Variants in CCNY observed in about 807,000 individuals in gnomAD.
The protein encoded by CCNY is cyclin Y, also known as cyclin-Y.
Under a neutral mutation model 42.8 loss-of-function variants are expected in CCNY, and 19 were observed. The ratio of observed to expected loss-of-function variants is 0.44; its 90% CI spans 0.31 to 0.65. The LOEUF (loss-of-function observed/expected upper bound fraction) is 0.65, where lower values mean the gene tolerates loss of function less well. CCNY is among the 30% of genes least tolerant of loss of function. The pLI is 0.07. For synonymous variants in CCNY, 165 were observed against 162.7 expected (o/e 1.01, Z -0.11); for missense variants, 370 against 437.3 (o/e 0.85, Z 1.37).
intron 1 of CCNY, among the ~76,000 whole-genome samples, chr10:35,437,839 T>G (rs1838573362): frequency 6.6e-6 from 1 of 152,208 alleles, no homozygotes. Context: ...AGCTGAAACC[T>G]TCCAAGTCTT....
intron 3 of CCNY, among the ~76,000 whole-genome samples, chr10:35,328,525 A>G (rs999616151): frequency 1.3e-5 from 2 of 152,222 alleles, no homozygotes; most frequent in African/African-American, 4.8e-5. Flanking sequence ...CTAAGCAACA[A>G]GAAGACTCTG....
chr10:35,569,032 C>T (rs548714571), intron 9 of CCNY, 22 bp from the exon 10 acceptor site: 2 of 1,510,768 alleles, frequency 1.3e-6, no homozygotes, highest in Admixed American at 1.7e-5. Context: ...CCCTGACCCA[C>T]ACTGTCTTTC....
chr10:35,309,798 C>T (rs926736147), intron 3 of CCNY, among the ~76,000 whole-genome samples: 2 of 151,732 alleles, frequency 1.3e-5, no homozygotes, highest in Non-Finnish European at 2.9e-5. Flanking sequence ...GTGTTATTTA[C>T]TTATTTATTT....
chr10:35,251,036 T>A (rs992249458), intron 3 of CCNY: 2 of 152,202 alleles, frequency 1.3e-5, no homozygotes, highest in Admixed American at 1.3e-4. Context: ...TCATTCCCAT[T>A]CAAATTCGAA....
intron 1 of CCNY, among the ~76,000 whole-genome samples, chr10:35,483,110 G>C (rs1839710602): frequency 6.6e-6 from 1 of 152,126 alleles, no homozygotes; most frequent in Admixed American, 6.5e-5. Context: ...CCATAACTCT[G>C]TCCTGCTATT....
chr10:35,423,320 C>G (rs539315147), intron 1 of CCNY, among the ~76,000 whole-genome samples: 1 of 151,956 alleles, frequency 6.6e-6, no homozygotes, highest in Non-Finnish European at 1.5e-5. Context: ...ACAAAACATG[C>G]AAAAATCAGC....
intron 3 of CCNY, among the ~76,000 whole-genome samples, chr10:35,276,548 G>C (rs1224901039): frequency 6.6e-6 from 1 of 152,098 alleles, no homozygotes; most frequent in Non-Finnish European, 1.5e-5. Context: ...ACCATGCCCA[G>C]CTAATTTTGA....
At chr10:35,339,824 T>C (rs1178237019) in intron 1 of CCNY, among the ~76,000 whole-genome samples, 1 of 152,238 alleles carries the variant, frequency 6.6e-6, no homozygotes, top group African/African-American at 2.4e-5. Context: ...CAACTTAATG[T>C]GTCTTTTTGC....
intron 2 of CCNY, among the ~76,000 whole-genome samples, chr10:35,488,994 C>A (rs534615895): frequency 4.5e-4 from 68 of 152,164 alleles, no homozygotes; most frequent in African/African-American, 1.6e-3. Flanking sequence ...AAAAATATGA[C>A]CTAGGCCGGG....
At chr10:35,289,821 G>A (rs1374445806) in intron 3 of CCNY, among the ~76,000 whole-genome samples, 1 of 146,822 alleles carries the variant, frequency 6.8e-6, no homozygotes, top group Non-Finnish European at 1.5e-5. Flanking sequence ...TTGTTTTGCA[G>A]TGAGCTGAAA....
intron 1 of CCNY, among the ~76,000 whole-genome samples, chr10:35,383,697 C>G (rs940065727): frequency 2.0e-5 from 3 of 152,156 alleles, no homozygotes; most frequent in Non-Finnish European, 4.4e-5. Context: ...ACCTCATGTG[C>G]CTGTTAAGCT....
At chr10:35,475,338 A>T (rs1176150876) in intron 1 of CCNY, among the ~76,000 whole-genome samples, 2 of 152,216 alleles carry the variant, frequency 1.3e-5, no homozygotes, top group Non-Finnish European at 2.9e-5. Flanking sequence ...CATAATTTTC[A>T]AATTCACCGA....
At chr10:35,338,099 T>G (rs1301748600) in intron 1 of CCNY, among the ~76,000 whole-genome samples, 1 of 152,248 alleles carries the variant, frequency 6.6e-6, no homozygotes, top group African/African-American at 2.4e-5. Flanking sequence ...GGAAGTATCT[T>G]TTTATGACAA....
At position 35,376,432 on chromosome 10, in the gene CCNY, T is replaced by C. The variant is rs565891635; in HGVS notation, c.154+39225T>C. On this transcript the variant is annotated intron_variant, in intron 1 of 9. Coordinates refer to ENST00000374704, the MANE Select transcript of CCNY (RefSeq NM_145012.6). The stretch of plus-strand genomic sequence containing the variant: ...AAATGTCCATCAGTGGATGAATGGA[T>C]AAACAAAATGTGGTATATCCATACA... Among the ~76,000 whole-genome samples, 4 of 152,292 alleles carry C rather than the reference T, an allele frequency of 2.6e-5. No homozygotes were observed. In the East Asian group the frequency reaches 7.7e-4, roughly 29 times the overall value.
intron 1 of CCNY, among the ~76,000 whole-genome samples, chr10:35,433,114 G>A (rs1278044379): frequency 6.6e-6 from 1 of 152,170 alleles, no homozygotes; most frequent in African/African-American, 2.4e-5. Flanking sequence ...GGAGGCTGAG[G>A]TGGGAAGATC....
chr10:35,487,643 A>T (rs1839814719), intron 2 of CCNY, among the ~76,000 whole-genome samples: 1 of 152,074 alleles, frequency 6.6e-6, no homozygotes, highest in Non-Finnish European at 1.5e-5. Context: ...TCTTGTTCCA[A>T]GCAGGAGACT....
At chr10:35,331,699 C>T (rs1156889695), upstream of CCNY, among the ~76,000 whole-genome samples, 2 of 152,176 alleles carry the variant, frequency 1.3e-5, no homozygotes, top group Non-Finnish European at 1.5e-5. Flanking sequence ...AAACTATTAG[C>T]CATCCTTATT....
intron 1 of CCNY, among the ~76,000 whole-genome samples, chr10:35,399,883 G>C (rs1280346235): frequency 6.6e-6 from 1 of 152,130 alleles, no homozygotes; most frequent in Non-Finnish European, 1.5e-5. Flanking sequence ...GAGATGTTCT[G>C]GCTGAACACA....
intron 1 of CCNY, among the ~76,000 whole-genome samples, chr10:35,446,593 A>G (rs1838794887): frequency 6.6e-6 from 1 of 152,224 alleles, no homozygotes; most frequent in African/African-American, 2.4e-5. Context: ...AGGAATTGTA[A>G]TAAGCTGTCA....
Sources: gnomAD v4.1 joint callset for allele counts (sites outside exome capture counted in the v4.1 genomes callset) on GRCh38, gnomAD v4.1.1 for gene constraint, MANE v1.5 for transcripts, NCBI Gene and HGNC (gene_info 2026-07-23, HGNC 2026-07-21) for gene names.